The following GGA2 variants were observed in gnomAD, a reference collection of about 807,000 sequenced individuals.
GGA2 encodes the protein ADP-ribosylation factor-binding protein GGA2.
GGA2 carries 48 observed loss-of-function variants against 79.5 expected under a neutral mutation model. The observed-to-expected ratio is 0.60, with a 90% CI of 0.48 to 0.77. The LOEUF (loss-of-function observed/expected upper bound fraction) is 0.77. Among genes scored for constraint, GGA2 ranks in the 30% least tolerant of loss-of-function variants. The pLI is 0.00. For missense variants in GGA2, 770 were observed against 774.0 expected, an observed-to-expected ratio of 0.99 and a Z score of 0.06; for synonymous variants, 317 against 302.0, an observed-to-expected ratio of 1.05 and a Z score of -0.51.
upstream of GGA2, among the ~76,000 whole-genome samples, chr16:23,510,870 CGT>C (rs146414672): frequency 3.2e-4 from 42 of 129,430 alleles, 1 homozygote; most frequent in African/African-American, 8.1e-4. Context: ...CCACGCCTGG[CGT>C]GTGTGTGTGT....
intron 1 of GGA2, among the ~76,000 whole-genome samples, chr16:23,504,673 C>G (rs1964955483): frequency 6.6e-6 from 1 of 152,192 alleles, no homozygotes; most frequent in African/African-American, 2.4e-5. Context: ...CCAATCTGCT[C>G]CAAGGACTAG....
Position 23,466,361 on chromosome 16 carries a change from G to C in GGA2, c.*1229C>G, listed in dbSNP as rs533445324. On this transcript the variant is annotated 3_prime_UTR_variant, in exon 17 of 17. Coordinates refer to ENST00000309859, the MANE Select transcript of GGA2 (RefSeq NM_015044.4). ...ACATTCAAGTTCCTAGCACACAGTA[G>C]GTGCTAAGTGGGAATTGATTATAAA... 1.3e-5 allele frequency: 2 copies of C among 152,302 alleles called. No individual in the cohort carries two copies. The highest frequency in any genetic ancestry group is 2.4e-5 in the African/African-American group (1 of 41,554). 9.4% of individuals were successfully genotyped at this position (152,302 alleles called of 1,614,324 possible).
rs150506763 is a variant in GGA2, at chr16:23,467,872, A to G, written c.1732-172T>C. 1.6e-3 allele frequency among the ~76,000 whole-genome samples: 246 copies of G among 152,300 alleles called. 1 individual carries two copies. Among genetic ancestry groups the G allele is most frequent in the African/African-American group, 5.8e-3 (243 of 41,562 alleles). On this transcript the variant is annotated intron_variant, in intron 16 of 16. Coordinates refer to ENST00000309859, the MANE Select transcript of GGA2 (RefSeq NM_015044.4). ...CACATATCCTGGGAACCCTTCGATA[A>G]TTCTGCAGTCCTGAAATCCTGAGAT...
chr16:23,501,191 A>T, intron 1 of GGA2: 1 of 446,482 alleles, frequency 2.2e-6, no homozygotes, highest in South Asian at 1.6e-5. Flanking sequence ...CTCTTTTTCA[A>T]GTCATAAAAC....
In GGA2 at chr16:23,465,234, C is replaced by T. The variant is rs1567355404; in HGVS notation, c.*2356G>A. The T allele has an allele frequency of 9.1e-6, 6 of 660,932 alleles. No individual in the cohort carries two copies. Among genetic ancestry groups the T allele is most frequent in the South Asian group, 1.7e-5 (1 of 60,100 alleles). The allele number at this position is 660,932 out of a possible 1,614,324, so 40.9% of individuals were successfully genotyped here. On this transcript the variant is annotated 3_prime_UTR_variant, in exon 17 of 17. Transcript: ENST00000309859. ...ATCCTGGGCTCAAGCGGTCATCCCA[C>T]TCAGCCTCCCAAAATGCTGGGATTA...
chr16:23,510,407 G>T lies in GGA2; in HGVS notation c.5C>A (p.Ala2Glu). 1.5e-6 allele frequency: 2 copies of T among 1,352,064 alleles called. No homozygotes were observed. The highest frequency in any genetic ancestry group is 9.6e-7 in the Non-Finnish European group (1 of 1,037,208). 83.8% of individuals were successfully genotyped at this position (1,352,064 alleles called of 1,614,324 possible). A position where few individuals can be genotyped will look rare whatever the true frequency, so the allele number is the denominator to read the frequency against. The change falls in exon 1 of 17, where the codon GCG becomes GAG. Residue 2 changes from alanine (A) to glutamate (E), a missense_variant. Ala to Glu is a moderately radical substitution (Grantham distance 107). Transcript: ENST00000309859. M[A>E]ATAVAAAVAG... ...CACAGCCGCCGCCACCGCGGTCGCC[G>T]CCATCGCTCCAGCCCCGACGCTGCG...
chr16:23,489,096 C>G (rs1413817528), intron 5 of GGA2, among the ~76,000 whole-genome samples: 1 of 152,150 alleles, frequency 6.6e-6, no homozygotes, highest in African/African-American at 2.4e-5. Flanking sequence ...AACAGTCCAT[C>G]CTGAACCTGA....
chr16:23,489,729 G>C (rs1451120338), intron 5 of GGA2, among the ~76,000 whole-genome samples: 1 of 150,456 alleles, frequency 6.6e-6, no homozygotes, highest in Non-Finnish European at 1.5e-5. Flanking sequence ...ATTTCTGGAG[G>C]CTGCAACAAA....
chr16:23,495,386 C>T, intron 2 of GGA2: 1 of 193,430 alleles, frequency 5.2e-6, no homozygotes, highest in Non-Finnish European at 1.1e-5. Flanking sequence ...TTTTCCCCCA[C>T]ATGAATTTGC....
rs1964450295 is a variant in GGA2, at chr16:23,467,353, A to T, written c.*237T>A. Reference sequence around the variant, plus strand: ...ATGCTTCGCATTTCCCACACTGCCGATATCCCAAGCCCTGTGCTACCACCC... The same window carrying T: ...ATGCTTCGCATTTCCCACACTGCCGTTATCCCAAGCCCTGTGCTACCACCC... On this transcript the variant is annotated 3_prime_UTR_variant, in exon 17 of 17. Coordinates refer to ENST00000309859, the MANE Select transcript of GGA2 (RefSeq NM_015044.4). 1 of 461,818 alleles carries T rather than the reference A, an allele frequency of 2.2e-6. No individual in the cohort carries two copies. The highest frequency in any genetic ancestry group is 2.1e-5 in the African/African-American group (1 of 47,954). 28.6% of individuals were successfully genotyped at this position (461,818 alleles called of 1,614,324 possible). A position where few individuals can be genotyped will look rare whatever the true frequency, so the allele number is the denominator to read the frequency against.
At chr16:23,475,867 T>C (rs1596978178) in intron 13 of GGA2, among the ~76,000 whole-genome samples, 1 of 148,670 alleles carries the variant, frequency 6.7e-6, no homozygotes. Context: ...GAGGCGGAGG[T>C]TGTGGTGAGC....
intron 14 of GGA2, among the ~76,000 whole-genome samples, chr16:23,472,820 G>A (rs970903083): frequency 1.3e-5 from 2 of 151,962 alleles, no homozygotes; most frequent in Non-Finnish European, 2.9e-5. Flanking sequence ...AGATCACGAG[G>A]TCAAGAGATC....
rs1379569426 is a variant in GGA2 at position 23,466,052 on chromosome 16, G to A, written c.*1538C>T. On this transcript the variant is annotated 3_prime_UTR_variant, in exon 17 of 17. Transcript: ENST00000309859. ...TCACCCCACTGTTTACCTGTTTTAT[G>A]AGTTTTTACATTTGCTTAAAATTAG... The A allele has an allele frequency of 2.0e-5, 3 of 152,208 alleles. No individual in the cohort carries two copies. Among genetic ancestry groups the A allele is most frequent in the Non-Finnish European group, 4.4e-5 (3 of 68,092 alleles). 9.4% of individuals were successfully genotyped at this position (152,208 alleles called of 1,614,324 possible).
intron 1 of GGA2, among the ~76,000 whole-genome samples, chr16:23,502,975 G>C (rs1017515803): frequency 1.3e-5 from 2 of 152,214 alleles, no homozygotes; most frequent in African/African-American, 4.8e-5. Context: ...AGAATCCTAA[G>C]ACGCCCCATG....
chr16:23,510,776 G>A (rs1256374544), upstream of GGA2, among the ~76,000 whole-genome samples: 1 of 152,226 alleles, frequency 6.6e-6, no homozygotes, highest in Non-Finnish European at 1.5e-5. Context: ...GCGCGATCAC[G>A]GCTCACTGCA....
intron 1 of GGA2, among the ~76,000 whole-genome samples, chr16:23,510,071 T>G (rs1298073953): frequency 9.6e-6 from 1 of 104,102 alleles, no homozygotes; most frequent in African/African-American, 3.8e-5. Flanking sequence ...GGTCCTGTGC[T>G]GCTGCTAAGT....
At chr16:23,484,343 G>T (rs771498767) in intron 8 of GGA2, among the ~76,000 whole-genome samples, 7 of 152,052 alleles carry the variant, frequency 4.6e-5, no homozygotes, top group Non-Finnish European at 1.0e-4. Flanking sequence ...GCTCGAACCC[G>T]GGAGGCAGAA....
chr16:23,516,980 C>G (rs1337367666), intron 2 of GGA2, among the ~76,000 whole-genome samples: 1 of 151,972 alleles, frequency 6.6e-6, no homozygotes, highest in Non-Finnish European at 1.5e-5. Context: ...AGAGAAGGAC[C>G]CTGGGTCCTC....
chr16:23,502,447 A>G (rs1964931030), intron 1 of GGA2, among the ~76,000 whole-genome samples: 4 of 152,340 alleles, frequency 2.6e-5, no homozygotes, highest in Admixed American at 6.5e-5. Flanking sequence ...ACAAAAGAGG[A>G]ACATCTGGGT....
Sources: allele counts gnomAD v4.1 joint callset (sites outside exome capture counted in the v4.1 genomes callset), GRCh38; gene constraint gnomAD v4.1.1; transcripts MANE v1.5; gene names NCBI Gene and HGNC (gene_info 2026-07-23, HGNC 2026-07-21).